Variants in CDC73 observed in about 807,000 individuals in gnomAD.
CDC73 encodes cell division cycle 73.
Under a neutral mutation model 83.7 loss-of-function variants are expected in CDC73, and 21 were observed. The ratio of observed to expected loss-of-function variants is 0.25; its 90% CI spans 0.18 to 0.36. The LOEUF (loss-of-function observed/expected upper bound fraction) is 0.36, where lower values mean the gene tolerates loss of function less well. Among genes scored for constraint, CDC73 ranks in the 10% least tolerant of loss-of-function variants. The pLI, the probability that CDC73 is intolerant of heterozygous loss-of-function variation, is 1.00. For missense variants in CDC73, 342 were observed against 653.3 expected (o/e 0.52, Z 5.19); for synonymous variants, 224 against 212.9 (o/e 1.05, Z -0.45).
intron 13 of CDC73, among the ~76,000 whole-genome samples, chr1:193,219,102 G>C (rs1279860749): frequency 1.3e-5 from 2 of 152,146 alleles, no homozygotes; most frequent in Non-Finnish European, 2.9e-5. Flanking sequence ...CTCAAAAGAA[G>C]ATATACACAT....
At chr1:193,202,087 G>A (rs1026996611) in intron 10 of CDC73, among the ~76,000 whole-genome samples, 6 of 152,110 alleles carry the variant, frequency 3.9e-5, no homozygotes, top group Non-Finnish European at 8.8e-5. Context: ...TTACATACTA[G>A]AATAGGTAAG....
chr1:193,223,778 C>T (rs935327456), intron 13 of CDC73, among the ~76,000 whole-genome samples: 3 of 151,948 alleles, frequency 2.0e-5, no homozygotes, highest in African/African-American at 7.2e-5. Flanking sequence ...TCTTTGGGTT[C>T]CTCTCTTTTC....
intron 15 of CDC73, among the ~76,000 whole-genome samples, chr1:193,244,947 A>G (rs550823668): frequency 2.6e-5 from 4 of 152,330 alleles, no homozygotes; most frequent in East Asian, 1.9e-4. Flanking sequence ...AGTGCCTACA[A>G]TAATGCATAA....
chr1:193,222,022 T>C (rs1677478650), intron 13 of CDC73, among the ~76,000 whole-genome samples: 1 of 152,100 alleles, frequency 6.6e-6, no homozygotes, highest in Non-Finnish European at 1.5e-5. Context: ...TGTATATCCC[T>C]TCAATAAGTA....
rs1572227700 is a variant in CDC73, at chr1:193,251,863, A to C, written c.*1151A>C. 3.0e-5 allele frequency: 7 copies of C among 231,486 alleles called. No homozygotes were observed. The East Asian group carries it at 4.3e-4, about 14-fold the overall frequency. 14.3% of individuals were successfully genotyped at this position (231,486 alleles called of 1,614,324 possible). A position where few individuals can be genotyped will look rare whatever the true frequency, so the allele number is the denominator to read the frequency against. Reference sequence around the variant, plus strand: ...CACTTTGTTTTTTTTTTTTCCTTAAAGGCAACTAGGAAGCTTTACTTTCCT... The same window carrying C: ...CACTTTGTTTTTTTTTTTTCCTTAACGGCAACTAGGAAGCTTTACTTTCCT... On this transcript the variant is annotated 3_prime_UTR_variant, in exon 17 of 17. Coordinates refer to ENST00000367435, the MANE Select transcript of CDC73 (RefSeq NM_024529.5).
rs1305660093 is a variant in CDC73, at chr1:193,254,753, G to A, written c.*4041G>A. Among the ~76,000 whole-genome samples, 1 of 152,090 alleles carries A rather than the reference G, an allele frequency of 6.6e-6. No individual in the cohort carries two copies. Among genetic ancestry groups the A allele is most frequent in the Non-Finnish European group, 1.5e-5 (1 of 67,988 alleles). Reference sequence around the variant, plus strand: ...ATATGTGCCATTTACTGAAAAGTGGGAAGCATTTTTATATGAGTAAAGCTA... The same window carrying A: ...ATATGTGCCATTTACTGAAAAGTGGAAAGCATTTTTATATGAGTAAAGCTA... On this transcript the variant is annotated 3_prime_UTR_variant, in exon 17 of 17. Coordinates refer to ENST00000367435, the MANE Select transcript of CDC73 (RefSeq NM_024529.5).
chr1:193,241,398 G>T (rs1421883291), intron 15 of CDC73, among the ~76,000 whole-genome samples: 1 of 152,220 alleles, frequency 6.6e-6, no homozygotes, highest in Non-Finnish European at 1.5e-5. Flanking sequence ...GGCAGCAGCA[G>T]GCTGAGCCTG....
chr1:193,201,944 G>A (rs1677098633), intron 10 of CDC73, among the ~76,000 whole-genome samples: 1 of 152,072 alleles, frequency 6.6e-6, no homozygotes, highest in South Asian at 2.1e-4. Flanking sequence ...AAAAAAAGAA[G>A]GGCTTTGATT....
intron 6 of CDC73, among the ~76,000 whole-genome samples, chr1:193,139,058 G>A (rs1009370881): frequency 1.3e-5 from 2 of 152,114 alleles, no homozygotes; most frequent in African/African-American, 4.8e-5. Context: ...ACAGGCGTGA[G>A]CCACCGCGCC....
Position 193,150,508 on chromosome 1 carries a change from A to G in CDC73, c.907+126A>G, listed in dbSNP as rs895902596. On this transcript the variant is annotated intron_variant, in intron 9 of 16. Transcript: ENST00000367435. The stretch of plus-strand genomic sequence containing the variant: ...TACAGACCAGATCTTACCCACTGCA[A>G]TTTTTCTTAAATAACATTTTGTTGG... The G allele has an allele frequency of 1.1e-4, 76 of 688,788 alleles. 1 individual carries two copies. The African/African-American group carries it at 1.2e-3, about 11-fold the overall frequency. 42.7% of individuals were successfully genotyped at this position (688,788 alleles called of 1,614,324 possible). A position where few individuals can be genotyped will look rare whatever the true frequency, so the allele number is the denominator to read the frequency against.
At chr1:193,159,927 T>C (rs1278844188) in intron 10 of CDC73, among the ~76,000 whole-genome samples, 1 of 152,232 alleles carries the variant, frequency 6.6e-6, no homozygotes, top group African/African-American at 2.4e-5. Context: ...TTGGTGCTAA[T>C]GTACTTCAAG....
At chr1:193,203,920 C>T (rs905677697) in intron 11 of CDC73, 68 bp downstream of exon 11, 13 of 1,244,312 alleles carry the variant, frequency 1.0e-5, no homozygotes, top group South Asian at 2.4e-5. Context: ...TTTTAGTATG[C>T]GTATAATGCT....
At chr1:193,141,545 A>G (rs1675906859) in intron 6 of CDC73, among the ~76,000 whole-genome samples, 1 of 152,214 alleles carries the variant, frequency 6.6e-6, no homozygotes, top group South Asian at 2.1e-4. Context: ...CAGAAAATAT[A>G]AAGAAAAGCA....
At chr1:193,236,105 T>A in intron 14 of CDC73, 151 bp from the exon 15 acceptor site, 1 of 727,194 alleles carries the variant, frequency 1.4e-6, no homozygotes, top group Non-Finnish European at 2.6e-6. Context: ...AGGTGGTAAG[T>A]ACTGTATTTG....
intron 13 of CDC73, among the ~76,000 whole-genome samples, chr1:193,222,040 CA>C (rs527407181): frequency 7.6e-4 from 112 of 147,792 alleles, no homozygotes; most frequent in African/African-American, 2.4e-3. Flanking sequence ...GTAAATGAAA[CA>C]AAAAAAAATA....
rs143870691 is a variant in CDC73 at position 193,171,381 on chromosome 1, A to G, written c.972+18937A>G. Among the ~76,000 whole-genome samples the G allele has an allele frequency of 2.1e-3, 322 of 152,328 alleles. 2 individuals are homozygous for G. The highest frequency in any genetic ancestry group is 7.6e-3 in the African/African-American group (315 of 41,584). ...CTTAGAGTCTCATAGACTGAAGTCA[A>G]GGTGTCAACAGCAATGTGTTCCTTT... On this transcript the variant is annotated intron_variant, in intron 10 of 16. Coordinates refer to ENST00000367435, the MANE Select transcript of CDC73 (RefSeq NM_024529.5).
intron 13 of CDC73, among the ~76,000 whole-genome samples, chr1:193,216,552 C>T (rs1179603574): frequency 1.3e-5 from 2 of 151,974 alleles, no homozygotes; most frequent in Non-Finnish European, 2.9e-5. Context: ...ACTGAAATCG[C>T]CCCAAAAAAT....
intron 10 of CDC73, among the ~76,000 whole-genome samples, chr1:193,172,190 G>A (rs1324854239): frequency 6.7e-6 from 1 of 149,152 alleles, no homozygotes. Flanking sequence ...CTCCCAAAGT[G>A]TTGGGATTAC....
Position 193,132,480 on chromosome 1 carries a change from CT to C in CDC73, c.307+2247del, listed in dbSNP as rs1051171913. 2.3e-4 allele frequency among the ~76,000 whole-genome samples: 35 copies of C among 150,152 alleles called. No homozygotes were observed. In the South Asian group the frequency reaches 5.9e-3, roughly 25 times the overall value. On this transcript the variant is annotated intron_variant, in intron 3 of 16. Coordinates refer to ENST00000367435, the MANE Select transcript of CDC73 (RefSeq NM_024529.5). ...ATGGAGTTGGGGAGGATAGAAGAAA[CT>C]TTTTTTTTTCTTTCAGAGATGGGGT... is the stretch of plus-strand genomic sequence containing the variant.
Sources: allele counts gnomAD v4.1 joint callset (sites outside exome capture counted in the v4.1 genomes callset), GRCh38; gene constraint gnomAD v4.1.1; transcripts MANE v1.5; gene names NCBI Gene and HGNC (gene_info 2026-07-23, HGNC 2026-07-21).